The following ZNF233 variants were observed in gnomAD, a reference collection of about 807,000 sequenced individuals.
ZNF233 encodes zinc finger protein 233.
In ZNF233, 7 loss-of-function variants were observed where a neutral mutation model predicts 11.6. That is an observed-to-expected ratio of 0.60 (90% confidence interval 0.34 to 1.13). The LOEUF (loss-of-function observed/expected upper bound fraction) is 1.13, where lower values mean the gene tolerates loss of function less well. Ranked by LOEUF, ZNF233 falls within the 50% of genes most tolerant of loss-of-function variation. ZNF233 has a pLI of 0.03. For synonymous variants in ZNF233, 226 were observed against 268.5 expected, an observed-to-expected ratio of 0.84 and a Z score of 1.55; for missense variants, 711 against 785.5, an observed-to-expected ratio of 0.91 and a Z score of 1.13.
chr19:44,274,589 T>C lies in ZNF233; in HGVS notation c.1929T>C (p.Thr643=). 1 of 1,613,934 alleles carries C rather than the reference T, an allele frequency of 6.2e-7. No homozygotes were observed. Residue 643 remains threonine, a synonymous_variant, in exon 5 of 5, where the codon ACT becomes ACC. Transcript: ENST00000683810. ...SHLQAHQRVH[T]GEKPYKCFVC... ...TTCAAGCCCATCAGAGAGTCCATAC[T>C]GGAGAGAAACCATACAAATGTTTTG...
At position 44,273,214 on chromosome 19, in the gene ZNF233, A is replaced by C. The variant is rs1975290245; in HGVS notation, c.554A>C (p.Lys185Thr). 6.2e-7 allele frequency: 1 copy of C among 1,613,758 alleles called. No homozygotes were observed. The highest frequency in any genetic ancestry group is 8.5e-7 in the Non-Finnish European group (1 of 1,180,030). The change falls in exon 5 of 5, where the codon AAA (lysine) becomes ACA (threonine). Residue 185 changes from lysine (K) to threonine (T), a missense_variant. Lys to Thr is a moderately conservative substitution (Grantham distance 78). Coordinates refer to ENST00000683810, the MANE Select transcript of ZNF233 (RefSeq NM_001207005.2). ...AGGACCACCTGGGATTTCTGGAGGA[A>C]AATGTATCTGAGAGAACCACAGAAT... ...PLRTTWDFWRKMYLREPQNYQ... is the reference protein window; with the variant it reads ...PLRTTWDFWRTMYLREPQNYQ...
At position 44,274,639 on chromosome 19, in the gene ZNF233, G is replaced by A; in HGVS notation, c.1979G>A (p.Ser660Asn). 1 of 1,576,628 alleles carries A rather than the reference G, an allele frequency of 6.3e-7. No individual in the cohort carries two copies. Among genetic ancestry groups the A allele is most frequent in the Non-Finnish European group, 8.5e-7 (1 of 1,170,632 alleles). The change falls in exon 5 of 5, where the codon AGT becomes AAT. Residue 660 changes from serine (S) to asparagine (N), a missense_variant. By Grantham distance (46) the Ser-to-Asn change is conservative (BLOSUM62 1). Transcript: ENST00000683810. ...CFVCGKGFSK[S>N]SLSSDSSESP ...GTGTGTGGTAAGGGCTTTAGTAAGA[G>A]TTCGTTGTCTTCAGATTCATCAGAG...
chr19:44,269,661 A>G (rs868412193), intron 4 of ZNF233, among the ~76,000 whole-genome samples: 5 of 152,120 alleles, frequency 3.3e-5, no homozygotes, highest in African/African-American at 1.2e-4. Context: ...AAACTGTACA[A>G]ATTGTAAATG....
Position 44,270,744 on chromosome 19 carries a change from G to T in ZNF233, c.239-2155G>T, listed in dbSNP as rs190397765. Among the ~76,000 whole-genome samples, 369 of 152,338 alleles carry T rather than the reference G, an allele frequency of 2.4e-3. 3 individuals are homozygous for T. The highest frequency in any genetic ancestry group is 0.01 in the Middle Eastern group (3 of 292). On this transcript the variant is annotated intron_variant, in intron 4 of 4. Coordinates refer to ENST00000683810, the MANE Select transcript of ZNF233 (RefSeq NM_001207005.2). Reference sequence around the variant, plus strand: ...CTCGTTCACATGGCTGTGGCAGGAGGCCTCGCTTCCTTGCTAAGTGAACCA... The same window carrying T: ...CTCGTTCACATGGCTGTGGCAGGAGTCCTCGCTTCCTTGCTAAGTGAACCA...
At chr19:44,264,248 A>G in intron 1 of ZNF233, 66 bp from the exon 2 acceptor site, 2 of 1,121,130 alleles carry the variant, frequency 1.8e-6, no homozygotes, top group Non-Finnish European at 2.7e-6. Flanking sequence ...CCACCTTTTA[A>G]AAATTCAGCC....
At position 44,275,241 on chromosome 19, in the gene ZNF233, AC is replaced by A. The variant is rs563509283; in HGVS notation, c.*569del. 3.7e-4 allele frequency: 96 copies of A among 261,616 alleles called. No homozygotes were observed. The highest frequency in any genetic ancestry group is 1.9e-3 in the African/African-American group (87 of 45,632). The allele number at this position is 261,616 out of a possible 1,614,324, so 16.2% of individuals were successfully genotyped here. A position where few individuals can be genotyped will look rare whatever the true frequency, so the allele number is the denominator to read the frequency against. On this transcript the variant is annotated 3_prime_UTR_variant, in exon 5 of 5. Transcript: ENST00000683810. ...AGCCCCAATTCGTCATTATAATTGTACTGGGAAAAGGATTCTTGCAAGAAGC... is the reference window on the plus strand; with the variant it reads ...AGCCCCAATTCGTCATTATAATTGTATGGGAAAAGGATTCTTGCAAGAAGC...
chr19:44,271,065 C>A (rs1975226029), intron 4 of ZNF233, among the ~76,000 whole-genome samples: 1 of 152,114 alleles, frequency 6.6e-6, no homozygotes, highest in Non-Finnish European at 1.5e-5. Flanking sequence ...ATTATCAATG[C>A]CTTTACTCCT....
chr19:44,266,343 T>G lies in ZNF233; in HGVS notation c.142+19T>G, dbSNP rs1436973893. 2 of 1,577,050 alleles carry G rather than the reference T, an allele frequency of 1.3e-6. No individual in the cohort carries two copies. The highest frequency in any genetic ancestry group is 1.7e-6 in the Non-Finnish European group (2 of 1,161,570). On this transcript the variant is annotated intron_variant, in intron 3 of 4. Coordinates refer to ENST00000683810, the MANE Select transcript of ZNF233 (RefSeq NM_001207005.2). ...TCAGTGGGTGAGCACAGGCACCTTC[T>G]GTAACTGAATATCAGCCCTCTGGAC... is the stretch of plus-strand genomic sequence containing the variant.
chr19:44,268,477 C>T (rs534895794), intron 4 of ZNF233, among the ~76,000 whole-genome samples: 11 of 152,298 alleles, frequency 7.2e-5, no homozygotes, highest in Admixed American at 5.2e-4. Context: ...CTGTGCCCAA[C>T]ACTAATATTA....
chr19:44,264,568 ATCTT>A (rs1416454228), intron 2 of ZNF233, among the ~76,000 whole-genome samples, 193 bp downstream of exon 2: 3 of 152,108 alleles, frequency 2.0e-5, no homozygotes, highest in Non-Finnish European at 2.9e-5. Context: ...TTATTTTATC[ATCTT>A]TATTTCACAA....
At chr19:44,260,812 AAT>A (rs1262851433) in intron 1 of ZNF233, among the ~76,000 whole-genome samples, 1 of 152,184 alleles carries the variant, frequency 6.6e-6, no homozygotes, top group Non-Finnish European at 1.5e-5. Flanking sequence ...ACTCATTAGC[AAT>A]ATTATTTTTC....
intron 1 of ZNF233, among the ~76,000 whole-genome samples, chr19:44,262,945 GAGA>G (rs1326532235): frequency 2.6e-5 from 4 of 152,026 alleles, no homozygotes; most frequent in Admixed American, 2.6e-4. Flanking sequence ...TTTCTGATTA[GAGA>G]AGGAGACACG....
At position 44,272,932 on chromosome 19, in the gene ZNF233, A is replaced by G; in HGVS notation, c.272A>G (p.Gln91Arg). 6.2e-7 allele frequency: 1 copy of G among 1,601,772 alleles called. No homozygotes were observed. The highest frequency in any genetic ancestry group is 8.5e-7 in the Non-Finnish European group (1 of 1,176,526). Residue 91 changes from glutamine (Q) to arginine (R), a missense_variant, in exon 5 of 5, where the codon CAA becomes CGA. Transcript: ENST00000683810. ...AATCAAAATGAGATAGATACCCTTC[A>G]AGAAGTAAGATTAAGATTCCTTTCA... ...HKNQNEIDTLQEVRLRFLSYE... is the reference protein window; with the variant it reads ...HKNQNEIDTLREVRLRFLSYE...
At chr19:44,272,370 T>C (rs950326692) in intron 4 of ZNF233, among the ~76,000 whole-genome samples, 2 of 146,272 alleles carry the variant, frequency 1.4e-5, no homozygotes, top group African/African-American at 5.1e-5. Flanking sequence ...AGTCTTGGTA[T>C]AGCTCTAAAT....
rs758743518 is a variant in ZNF233, at chr19:44,273,370, A to G, written c.710A>G (p.Asn237Ser). ...VHKREKAFSH[N>S]NCGKDCVKES... is the part of the protein sequence containing the mutation. ...AAAAGAGAGAAAGCTTTTAGCCACA[A>G]TAATTGTGGAAAAGACTGTGTGAAG... Residue 237 changes from asparagine (N) to serine (S), a missense_variant, in exon 5 of 5, where the codon AAT becomes AGT. Asn to Ser is a conservative substitution (Grantham distance 46). Transcript: ENST00000683810. 6.2e-7 allele frequency: 1 copy of G among 1,614,226 alleles called. No individual in the cohort carries two copies. The highest frequency in any genetic ancestry group is 8.5e-7 in the Non-Finnish European group (1 of 1,180,038).
rs910402847 is a variant in ZNF233, at chr19:44,273,052, C to A, written c.392C>A (p.Ser131Tyr). The change falls in exon 5 of 5, where the codon TCC becomes TAC. Residue 131 changes from serine (S) to tyrosine (Y), a missense_variant. Physicochemically the swap from Ser to Tyr is moderately radical, Grantham distance 144 (BLOSUM62 -2). Coordinates refer to ENST00000683810, the MANE Select transcript of ZNF233 (RefSeq NM_001207005.2). Reference protein sequence around the residue: ...DLIINLQGKRSKLLKQGDSPC... With the variant: ...DLIINLQGKRYKLLKQGDSPC... ...ATAATAAATCTTCAAGGCAAGAGGT[C>A]CAAGTTGCTAAAACAAGGTGATTCC... 6.2e-7 allele frequency: 1 copy of A among 1,614,044 alleles called. No individual in the cohort carries two copies. The highest frequency in any genetic ancestry group is 1.1e-5 in the South Asian group (1 of 91,060).
At chr19:44,261,432 A>G (rs963329675) in intron 1 of ZNF233, among the ~76,000 whole-genome samples, 2 of 152,042 alleles carry the variant, frequency 1.3e-5, no homozygotes, top group Non-Finnish European at 2.9e-5. Context: ...TGTCTCAAAA[A>G]AATTAAAAAG....
chr19:44,268,764 AC>A (rs1450439232), intron 4 of ZNF233, among the ~76,000 whole-genome samples: 1 of 151,916 alleles, frequency 6.6e-6, no homozygotes, highest in Non-Finnish European at 1.5e-5. Flanking sequence ...TTCTGCTTTC[AC>A]CCCTCTCCTT....
Position 44,259,951 on chromosome 19 carries a change from G to T in ZNF233, c.-48+13G>T, listed in dbSNP as rs756876415. The T allele has an allele frequency of 2.4e-5, 11 of 455,428 alleles. No individual in the cohort carries two copies. The highest frequency in any genetic ancestry group is 1.1e-4 in the South Asian group (7 of 64,416). The allele number at this position is 455,428 out of a possible 1,614,324, so 28.2% of individuals were successfully genotyped here. On this transcript the variant is annotated intron_variant, in intron 1 of 4. Transcript: ENST00000683810. ...TCCCCTCTGGGAGGTGAGTCAGCGC[G>T]GAACCTCTGCATCTACGGCGAGCTT...
Sources: allele counts gnomAD v4.1 joint callset (sites outside exome capture counted in the v4.1 genomes callset), GRCh38; gene constraint gnomAD v4.1.1; transcripts MANE v1.5; gene names NCBI Gene and HGNC (gene_info 2026-07-23, HGNC 2026-07-21).